Variants in GRXCR2 observed in about 807,000 individuals in gnomAD.
GRXCR2 encodes the protein glutaredoxin and cysteine rich domain containing 2.
A neutral mutation model predicts 24.8 loss-of-function variants in GRXCR2; 23 were observed. The ratio of observed to expected loss-of-function variants is 0.93; its 90% confidence interval spans 0.67 to 1.32. The LOEUF is 1.32. Among genes scored for constraint, GRXCR2 ranks in the 40% most tolerant of loss-of-function variants. The pLI is 0.00. For missense variants in GRXCR2, 315 were observed against 303.4 expected (o/e 1.04, Z -0.28); for synonymous variants, 130 against 116.1 (o/e 1.12, Z -0.77).
At chr5:145,919,610 G>A (rs115956535) in intron 2 of GRXCR2, among the ~76,000 whole-genome samples, 5 of 152,150 alleles carry the variant, frequency 3.3e-5, no homozygotes, top group African/African-American at 9.7e-5. Context: ...TTGGGTAGGC[G>A]GGTGGGTAGG....
chr5:145,911,322 G>A (rs541822139), intron 2 of GRXCR2, among the ~76,000 whole-genome samples: 2 of 152,308 alleles, frequency 1.3e-5, no homozygotes, highest in Non-Finnish European at 2.9e-5. Context: ...AGGTGTCACG[G>A]TCTGGCGTCC....
chr5:145,930,248 C>A (rs1757460878), intron 2 of GRXCR2, among the ~76,000 whole-genome samples: 1 of 152,076 alleles, frequency 6.6e-6, no homozygotes, highest in East Asian at 1.9e-4. Flanking sequence ...CCACACCCAG[C>A]TAATCTTTGT....
intron 2 of GRXCR2, among the ~76,000 whole-genome samples, chr5:145,927,951 C>A (rs979636434): frequency 2.6e-5 from 4 of 152,162 alleles, no homozygotes; most frequent in Non-Finnish European, 4.4e-5. Context: ...AAACTACCAT[C>A]AGAGTAAACA....
At chr5:145,907,540 A>AG (rs11420277) in intron 2 of GRXCR2, among the ~76,000 whole-genome samples, 4 of 151,714 alleles carry the variant, frequency 2.6e-5, no homozygotes, top group Non-Finnish European at 5.9e-5. Flanking sequence ...AAAAAAAAAA[A>AG]GTAATAATAA....
chr5:145,894,688 G>A (rs1221657649), intron 2 of GRXCR2, among the ~76,000 whole-genome samples: 6 of 152,078 alleles, frequency 3.9e-5, no homozygotes, highest in Non-Finnish European at 7.4e-5. Context: ...ATTCACAGCC[G>A]AATTCTACCA....
intron 2 of GRXCR2, among the ~76,000 whole-genome samples, chr5:145,899,377 C>A (rs1756994754): frequency 6.6e-6 from 1 of 151,922 alleles, no homozygotes; most frequent in African/African-American, 2.4e-5. Flanking sequence ...AAACTACCAA[C>A]ATAATTTTTC....
chr5:145,865,875 T>C (rs1756420125), intron 2 of GRXCR2, among the ~76,000 whole-genome samples: 1 of 152,106 alleles, frequency 6.6e-6, no homozygotes, highest in South Asian at 2.1e-4. Context: ...CGGTGGCTCA[T>C]GCTTGTAATC....
At chr5:145,870,777 T>G (rs381084) in intron 1 of GRXCR2, among the ~76,000 whole-genome samples, 70,601 of 151,966 alleles carry the variant, frequency 0.46, 17,937 homozygotes, top group East Asian at 0.69. Context: ...ATGCTCAGAA[T>G]CTGGCTATGA....
chr5:145,890,724 AGCAG>A (rs1468436660), intron 2 of GRXCR2, among the ~76,000 whole-genome samples: 1 of 152,146 alleles, frequency 6.6e-6, no homozygotes, highest in Non-Finnish European at 1.5e-5. Flanking sequence ...AGAAATACAA[AGCAG>A]ACAACTAACA....
rs1756444855 is a variant in GRXCR2, at chr5:145,866,738, T to C, written c.337-10A>G. 1.3e-6 allele frequency: 2 copies of C among 1,554,406 alleles called. No individual in the cohort carries two copies. Among genetic ancestry groups the C allele is most frequent in the Middle Eastern group, 1.7e-4 (1 of 5,974 alleles). On this transcript the variant is annotated splice_polypyrimidine_tract_variant and intron_variant, in intron 1 of 2. Transcript: ENST00000377976. The stretch of plus-strand genomic sequence containing the variant: ...CTATAATAGGTAGGGGCTAGAGAAA[T>C]GGAGAATGAGCATGGAAACTTTACC...
chr5:145,869,245 G>A (rs1035260683), intron 1 of GRXCR2, among the ~76,000 whole-genome samples: 8 of 152,112 alleles, frequency 5.3e-5, no homozygotes, highest in South Asian at 4.1e-4. Context: ...ATGAACTTCC[G>A]TTTTTCCAAT....
intron 2 of GRXCR2, among the ~76,000 whole-genome samples, chr5:145,865,813 A>C (rs1756419153): frequency 6.6e-6 from 1 of 152,172 alleles, no homozygotes; most frequent in Non-Finnish European, 1.5e-5. Flanking sequence ...GGATAACACC[A>C]ATAATAGAAG....
chr5:145,878,187 A>G (rs542273476), intron 2 of GRXCR2, among the ~76,000 whole-genome samples: 5 of 152,370 alleles, frequency 3.3e-5, no homozygotes, highest in South Asian at 2.1e-4. Flanking sequence ...AGCTGGATGG[A>G]GAATGACTTT....
chr5:145,925,468 G>A (rs1277064694), intron 2 of GRXCR2, among the ~76,000 whole-genome samples: 1 of 152,106 alleles, frequency 6.6e-6, no homozygotes, highest in Non-Finnish European at 1.5e-5. Flanking sequence ...AACACAAAGG[G>A]TCACAGAGCT....
chr5:145,880,517 ACT>A (rs1371873877), intron 2 of GRXCR2, among the ~76,000 whole-genome samples: 1 of 152,040 alleles, frequency 6.6e-6, no homozygotes, highest in African/African-American at 2.4e-5. Context: ...CCAATAACAG[ACT>A]CTGAAATTGA....
upstream of GRXCR2, among the ~76,000 whole-genome samples, chr5:145,875,612 T>A (rs1164584496): frequency 6.6e-6 from 1 of 152,068 alleles, no homozygotes; most frequent in Non-Finnish European, 1.5e-5. Context: ...TCTACCTTTC[T>A]ACTAAGGAGA....
downstream of GRXCR2, among the ~76,000 whole-genome samples, chr5:145,857,728 CT>C (rs1475446699): frequency 9.9e-5 from 15 of 152,190 alleles, no homozygotes; most frequent in African/African-American, 3.6e-4. Flanking sequence ...TTTACAGAAG[CT>C]GAGGTTGCTC....
chr5:145,895,577 A>T (rs960446850), intron 2 of GRXCR2, among the ~76,000 whole-genome samples: 6 of 152,180 alleles, frequency 3.9e-5, no homozygotes, highest in Non-Finnish European at 8.8e-5. Flanking sequence ...CTCACAAGGG[A>T]TGTGAAGGAC....
At chr5:145,857,755 G>GGC (rs775787316), downstream of GRXCR2, among the ~76,000 whole-genome samples, 6 of 152,032 alleles carry the variant, frequency 3.9e-5, no homozygotes, top group Non-Finnish European at 8.8e-5. Flanking sequence ...TCTTCCTCTG[G>GGC]GCAACCTGCA....
Sources: gnomAD v4.1 joint callset for allele counts (sites outside exome capture counted in the v4.1 genomes callset) on GRCh38, gnomAD v4.1.1 for gene constraint, MANE v1.5 for transcripts, NCBI Gene and HGNC (gene_info 2026-07-23, HGNC 2026-07-21) for gene names.